Variants in EIF3A observed in about 807,000 individuals in gnomAD.
EIF3A encodes the protein EIF3, p180 subunit.
Under a neutral mutation model 186.6 loss-of-function variants are expected in EIF3A, and 21 were observed. The ratio of observed to expected loss-of-function variants is 0.11; its 90% confidence interval spans 0.08 to 0.16. The LOEUF is 0.16. Among genes scored for constraint, EIF3A ranks in the 10% least tolerant of loss-of-function variants. The probability of loss-of-function intolerance (pLI) is 1.00; values close to 1 mark genes in which losing one functional copy is unlikely to be tolerated. For synonymous variants in EIF3A, 563 were observed against 584.3 expected (o/e 0.96, Z 0.52); for missense variants, 1,306 against 1,796.3 (o/e 0.73, Z 4.93).
chr10:119,050,518 T>TG lies in EIF3A; in HGVS notation c.2473+2_2473+3insC, dbSNP rs1295442743. On this transcript the variant is annotated splice_region_variant and intron_variant, in intron 16 of 21. Transcript: ENST00000369144. ...CCCCTCCAATCCTGTTTGACCTGTG[T>TG]ACCTTTTAGCATTTGTTCTTCTGCC... The TG allele has an allele frequency of 1.2e-6, 2 of 1,613,776 alleles. No homozygotes were observed. The highest frequency in any genetic ancestry group is 1.7e-6 in the Non-Finnish European group (2 of 1,179,788).
chr10:119,056,688 G>T, intron 14 of EIF3A, 52 bp downstream of exon 14: 1 of 1,175,188 alleles, frequency 8.5e-7, no homozygotes, highest in Non-Finnish European at 1.2e-6. Flanking sequence ...TCCATTACTG[G>T]CAGAGGATTT....
intron 15 of EIF3A, 66 bp downstream of exon 15, chr10:119,051,133 G>GGA (rs1352209432): frequency 1.1e-5 from 16 of 1,422,804 alleles, no homozygotes; most frequent in Non-Finnish European, 1.5e-5. Context: ...ATTTGTTAAG[G>GGA]GAGAACCCTT....
chr10:119,070,928 T>G lies in EIF3A; in HGVS notation c.699A>C (p.Arg233Ser). ...PESQSMHLET[R>S]LVQLDSAISM... ...TGATAGCACTGTCCAGCTGAACAAGTCTGGTTTCCAAATGCATGGACTGGC... is the reference window on the plus strand; with the variant it reads ...TGATAGCACTGTCCAGCTGAACAAGGCTGGTTTCCAAATGCATGGACTGGC... Residue 233 changes from arginine (R) to serine (S), a missense_variant, in exon 5 of 22, where the codon AGA becomes AGC. Arg to Ser is a moderately radical substitution (Grantham distance 110, BLOSUM62 -1). Coordinates refer to ENST00000369144, the MANE Select transcript of EIF3A (RefSeq NM_003750.4). 1 of 1,614,008 alleles carries G rather than the reference T, an allele frequency of 6.2e-7. No individual in the cohort carries two copies. The highest frequency in any genetic ancestry group is 8.5e-7 in the Non-Finnish European group (1 of 1,179,886).
intron 17 of EIF3A, among the ~76,000 whole-genome samples, chr10:119,048,707 T>C (rs1848315666): frequency 6.6e-6 from 1 of 151,924 alleles, no homozygotes; most frequent in Non-Finnish European, 1.5e-5. Context: ...AGTCTTGCTC[T>C]GTCACCCAGG....
chr10:119,046,512 G>C (rs1366517065), intron 17 of EIF3A, among the ~76,000 whole-genome samples: 1 of 152,218 alleles, frequency 6.6e-6, no homozygotes, highest in African/African-American at 2.4e-5. Flanking sequence ...TGAGTACTAA[G>C]AGGAAAGATA....
chr10:119,043,625 A>C (rs1451927417), intron 18 of EIF3A, among the ~76,000 whole-genome samples: 4 of 150,216 alleles, frequency 2.7e-5, no homozygotes, highest in Admixed American at 2.6e-4. Context: ...ACAACAACAA[A>C]AACAACAACA....
At chr10:119,059,105 A>AAATC (rs2119819427) in intron 11 of EIF3A, 107 bp downstream of exon 11, 1 of 840,002 alleles carries the variant, frequency 1.2e-6, no homozygotes, top group East Asian at 2.5e-5. Flanking sequence ...AACATATCAT[A>AAATC]AATCCCTTCT....
At chr10:119,075,736 CAG>C (rs1269477496) in intron 1 of EIF3A, among the ~76,000 whole-genome samples, 2,032 of 54,810 alleles carry the variant, frequency 0.037, 33 homozygotes, top group Admixed American at 0.1. Context: ...TTTTTTTGGA[CAG>C]AGTCTTGCTC....
At chr10:119,053,655 T>C (rs1848388285) in intron 14 of EIF3A, among the ~76,000 whole-genome samples, 1 of 151,332 alleles carries the variant, frequency 6.6e-6, no homozygotes, top group South Asian at 2.1e-4. Flanking sequence ...AGGGGGTAGA[T>C]ACTGTAGGGA....
At chr10:119,060,686 T>G in intron 9 of EIF3A, 60 bp downstream of exon 9, 1 of 1,355,610 alleles carries the variant, frequency 7.4e-7, no homozygotes, top group Non-Finnish European at 1.0e-6. Context: ...ATTTTTCCAG[T>G]TTTTAGTTTC....
At chr10:119,036,403 A>G (rs1848131103) in intron 21 of EIF3A, 135 bp from the exon 22 acceptor site, 1 of 619,594 alleles carries the variant, frequency 1.6e-6, no homozygotes, top group Non-Finnish European at 2.8e-6. Flanking sequence ...TAAATTCTGT[A>G]TTGTTAAATA....
At chr10:119,077,235 C>T (rs958985629) in intron 1 of EIF3A, among the ~76,000 whole-genome samples, 5 of 152,046 alleles carry the variant, frequency 3.3e-5, no homozygotes, top group Admixed American at 6.5e-5. Flanking sequence ...GAGGCTAAGG[C>T]GAGCAGATCA....
At chr10:119,080,362 G>A in intron 1 of EIF3A, 1 of 985,466 alleles carries the variant, frequency 1.0e-6, no homozygotes. Flanking sequence ...CTCCCGGGCT[G>A]CGGTCCCCGC....
At chr10:119,075,572 C>T (rs1168758991) in intron 1 of EIF3A, among the ~76,000 whole-genome samples, 3 of 104,134 alleles carry the variant, frequency 2.9e-5, no homozygotes, top group African/African-American at 1.1e-4. Flanking sequence ...TCCCAATGAA[C>T]ATTTAAAAAA....
rs1028252108 is a variant in EIF3A, at chr10:119,080,758, G to A, written c.-82C>T. On this transcript the variant is annotated 5_prime_UTR_variant, in exon 1 of 22. It adds an upstream start codon to the 5' untranslated region. Coordinates refer to ENST00000369144, the MANE Select transcript of EIF3A (RefSeq NM_003750.4). ...GGAGAGGAGACGAAGGGGAACCAGC[G>A]TAAGGTCCCACGCGCCTCGCCAGCA... 6.5e-7 allele frequency: 1 copy of A among 1,529,696 alleles called. No homozygotes were observed. The allele number at this position is 1,529,696 out of a possible 1,614,324, so 94.8% of individuals were successfully genotyped here.
In EIF3A at chr10:119,059,221, A is replaced by G. The variant is rs762185641; in HGVS notation, c.1620T>C (p.Ala540=). Residue 540 remains alanine (A), a synonymous_variant, in exon 11 of 22, where the codon GCT becomes GCC. Coordinates refer to ENST00000369144, the MANE Select transcript of EIF3A (RefSeq NM_003750.4). ...CCGGGAAGATGCATACCAGTATATGAGCTGGTTTAATGACTTCAAGTGCTT... is the reference window on the plus strand; with the variant it reads ...CCGGGAAGATGCATACCAGTATATGGGCTGGTTTAATGACTTCAAGTGCTT... The part of the protein sequence containing the change: ...LAKALEVIKP[A]HILQEKEEQH... 3.7e-6 allele frequency: 6 copies of G among 1,613,806 alleles called. No homozygotes were observed. The highest frequency in any genetic ancestry group is 4.2e-6 in the Non-Finnish European group (5 of 1,179,724).
chr10:119,060,762 A>G lies in EIF3A; in HGVS notation c.1310T>C (p.Leu437Pro). The G allele has an allele frequency of 1.9e-6, 3 of 1,607,918 alleles. No individual in the cohort carries two copies. The highest frequency in any genetic ancestry group is 1.7e-5 in the Admixed American group (1 of 58,952). ...TATTTTTACCTGCTGCAGAAGGCGGAGGATGGTGTTGTTTTGCAGTTGTGG... is the reference window on the plus strand; with the variant it reads ...TATTTTTACCTGCTGCAGAAGGCGGGGGATGGTGTTGTTTTGCAGTTGTGG... ...YVPQLQNNTILRLLQQVSQIY... is the reference protein window; with the variant it reads ...YVPQLQNNTIPRLLQQVSQIY... The change falls in exon 9 of 22, where the codon CTC becomes CCC. Residue 437 changes from leucine to proline, a missense_variant. Physicochemically the swap from Leu to Pro is moderately conservative, Grantham distance 98 (BLOSUM62 -3). Transcript: ENST00000369144.
intron 15 of EIF3A, among the ~76,000 whole-genome samples, chr10:119,050,964 A>G (rs1381683477): frequency 6.6e-6 from 1 of 152,200 alleles, no homozygotes; most frequent in Non-Finnish European, 1.5e-5. Context: ...TAGTTTTTTC[A>G]TTTCTAACAA....
At chr10:119,073,116 A>G (rs528647990) in intron 3 of EIF3A, 63 bp from the exon 4 acceptor site, 2 of 1,480,256 alleles carry the variant, frequency 1.4e-6, no homozygotes, top group South Asian at 2.6e-5. Flanking sequence ...TGTGATTAAA[A>G]ACCAAAACAA....
Sources: gnomAD v4.1 joint callset for allele counts (sites outside exome capture counted in the v4.1 genomes callset) on GRCh38, gnomAD v4.1.1 for gene constraint, MANE v1.5 for transcripts, NCBI Gene and HGNC (gene_info 2026-07-23, HGNC 2026-07-21) for gene names.